The following DLGAP2 variants were observed in gnomAD, a reference collection of about 807,000 sequenced individuals.
DLGAP2 encodes the protein disks large-associated protein 2.
Under a neutral mutation model 100.3 loss-of-function variants are expected in DLGAP2, and 26 were observed. The ratio of observed to expected loss-of-function variants is 0.26; its 90% confidence interval spans 0.19 to 0.36. DLGAP2 has a LOEUF of 0.36. Among genes scored for constraint, DLGAP2 ranks in the 10% least tolerant of loss-of-function variants. The probability of loss-of-function intolerance (pLI) is 1.00; values close to 1 mark genes in which losing one functional copy is unlikely to be tolerated. For missense variants in DLGAP2, 1,858 were observed against 1,453.2 expected, an observed-to-expected ratio of 1.28 and a Z score of -4.53; for synonymous variants, 886 against 630.1, an observed-to-expected ratio of 1.41 and a Z score of -6.08.
chr8:1,679,441 G>A (rs761080037), intron 12 of DLGAP2, among the ~76,000 whole-genome samples: 159 of 110,326 alleles, frequency 1.4e-3, no homozygotes, highest in African/African-American at 5.3e-3. Context: ...ATTCCTCTAC[G>A]GGAGTCACCA....
intron 2 of DLGAP2, among the ~76,000 whole-genome samples, chr8:943,858 C>G (rs538669599): frequency 6.6e-6 from 1 of 152,374 alleles, no homozygotes; most frequent in Admixed American, 6.5e-5. Flanking sequence ...ATGAAGGTAT[C>G]TGAACAGTGT....
intron 2 of DLGAP2, among the ~76,000 whole-genome samples, chr8:1,112,042 C>G (rs552167633): frequency 3.6e-4 from 55 of 152,088 alleles, no homozygotes; most frequent in African/African-American, 1.3e-3. Context: ...ATAAGTGTTC[C>G]TTTTTCTCCA....
intron 2 of DLGAP2, among the ~76,000 whole-genome samples, chr8:1,089,007 G>A (rs1421815908): frequency 1.9e-5 from 2 of 103,470 alleles, no homozygotes; most frequent in Admixed American, 2.0e-4. Flanking sequence ...TCGCTCCCCG[G>A]CCTCACTCTC....
chr8:1,276,678 T>C (rs1008012118), intron 3 of DLGAP2, among the ~76,000 whole-genome samples: 42 of 152,266 alleles, frequency 2.8e-4, no homozygotes, highest in African/African-American at 1.0e-3. Context: ...GAAAGTCTGC[T>C]TGGATGAGTA....
rs866944077 is a variant in DLGAP2, at chr8:1,317,107, C to G, written c.106+58224C>G. Among the ~76,000 whole-genome samples, 236 of 122,548 alleles carry G rather than the reference C, an allele frequency of 1.9e-3. 1 individual carries two copies. Among genetic ancestry groups the G allele is most frequent in the South Asian group, 3.7e-3 (14 of 3,814 alleles). 80.4% of individuals were successfully genotyped at this position (122,548 alleles called of 152,430 possible). ...CACTCGGCAGCGTTTAAAAATAGAGCCTGTGCGAGTGCAGCGTCTCTCCAA... is the reference window on the plus strand; with the variant it reads ...CACTCGGCAGCGTTTAAAAATAGAGGCTGTGCGAGTGCAGCGTCTCTCCAA... On this transcript the variant is annotated intron_variant, in intron 3 of 14. Transcript: ENST00000637795.
intron 2 of DLGAP2, among the ~76,000 whole-genome samples, chr8:920,289 G>A (rs993830188): frequency 3.3e-5 from 5 of 152,240 alleles, no homozygotes; most frequent in Non-Finnish European, 7.3e-5. Flanking sequence ...GACAGCAGGT[G>A]TGTGGTATAA....
chr8:1,691,493 T>C (rs1350460316), intron 12 of DLGAP2, 42 bp from the exon 13 acceptor site: 19 of 1,554,716 alleles, frequency 1.2e-5, no homozygotes, highest in Non-Finnish European at 1.7e-5. Flanking sequence ...TGACCCAGTT[T>C]TGAAGTTGTT....
At chr8:1,465,783 A>G (rs1010153636) in intron 3 of DLGAP2, among the ~76,000 whole-genome samples, 5 of 151,668 alleles carry the variant, frequency 3.3e-5, no homozygotes, top group African/African-American at 1.2e-4. Flanking sequence ...ATGTGTTCAG[A>G]CTCTTCCCGG....
chr8:1,479,335 G>A (rs1799025508), intron 3 of DLGAP2, among the ~76,000 whole-genome samples: 1 of 152,222 alleles, frequency 6.6e-6, no homozygotes, highest in African/African-American at 2.4e-5. Flanking sequence ...CGCCTCTCAA[G>A]CTTTCATCCC....
At chr8:862,799 G>T (rs139429116) in intron 1 of DLGAP2, among the ~76,000 whole-genome samples, 1 of 152,224 alleles carries the variant, frequency 6.6e-6, no homozygotes, top group African/African-American at 2.4e-5. Flanking sequence ...GGGCCCCAAA[G>T]TCTGGTGTTG....
At chr8:1,197,254 C>G (rs1410198308) in intron 2 of DLGAP2, among the ~76,000 whole-genome samples, 1 of 152,156 alleles carries the variant, frequency 6.6e-6, no homozygotes, top group Non-Finnish European at 1.5e-5. Flanking sequence ...CACAGACACA[C>G]CCGGAAGTCA....
chr8:870,238 T>A (rs1213199440), intron 1 of DLGAP2, among the ~76,000 whole-genome samples: 1 of 152,240 alleles, frequency 6.6e-6, no homozygotes, highest in Non-Finnish European at 1.5e-5. Flanking sequence ...ACAGGATCCC[T>A]GAGCTGTCAT....
In DLGAP2 at chr8:1,476,147, A is replaced by G. The variant is rs144107951; in HGVS notation, c.107-25219A>G. 5.3e-5 allele frequency among the ~76,000 whole-genome samples: 8 copies of G among 152,108 alleles called. No individual in the cohort carries two copies. The East Asian group carries it at 1.5e-3, about 29-fold the overall frequency. ...GCCCGTTCACTCTGTGAAACTCAAG[A>G]CCTGCTTTGACTCCCACCGACTTCA... On this transcript the variant is annotated intron_variant, in intron 3 of 14. Coordinates refer to ENST00000637795, the MANE Select transcript of DLGAP2 (RefSeq NM_001346810.2).
At chr8:1,582,899 C>T (rs971620970) in intron 6 of DLGAP2, among the ~76,000 whole-genome samples, 7 of 152,106 alleles carry the variant, frequency 4.6e-5, no homozygotes, top group East Asian at 1.9e-4. Context: ...AAGAAGAGGG[C>T]AGCAGGAACT....
At chr8:1,621,694 C>A (rs1337078785) in intron 6 of DLGAP2, 3 of 152,420 alleles carry the variant, frequency 2.0e-5, no homozygotes, top group Non-Finnish European at 4.4e-5. Flanking sequence ...AGGAGGGCAG[C>A]CAAGCAAGGG....
At chr8:1,217,619 C>T (rs1385055755) in intron 2 of DLGAP2, among the ~76,000 whole-genome samples, 2 of 152,138 alleles carry the variant, frequency 1.3e-5, no homozygotes, top group Non-Finnish European at 2.9e-5. Flanking sequence ...GACCTTTCAC[C>T]TCCCTGGTTA....
chr8:1,515,816 T>C (rs886711457), intron 4 of DLGAP2, among the ~76,000 whole-genome samples: 3 of 152,252 alleles, frequency 2.0e-5, no homozygotes, highest in African/African-American at 7.2e-5. Flanking sequence ...GTCTGTTCCC[T>C]GCTCCCATTC....
At chr8:1,383,585 T>A (rs149984898) in intron 3 of DLGAP2, among the ~76,000 whole-genome samples, 2 of 152,152 alleles carry the variant, frequency 1.3e-5, no homozygotes, top group Admixed American at 6.5e-5. Flanking sequence ...GTTGTATTTT[T>A]GGGGAGGCTC....
intron 1 of DLGAP2, among the ~76,000 whole-genome samples, chr8:742,673 CTT>C (rs796502502): frequency 1.4e-5 from 2 of 145,306 alleles, no homozygotes; most frequent in African/African-American, 2.5e-5. Flanking sequence ...CTAATTTTTA[CTT>C]TTTTTTTTTT....
Sources: allele counts gnomAD v4.1 joint callset (sites outside exome capture counted in the v4.1 genomes callset), GRCh38; gene constraint gnomAD v4.1.1; transcripts MANE v1.5; gene names NCBI Gene and HGNC (gene_info 2026-07-23, HGNC 2026-07-21).